Variants in ZNF133 observed in about 807,000 individuals in gnomAD.
ZNF133 encodes the protein zinc finger protein 133.
In ZNF133, 26 loss-of-function variants were observed where a neutral mutation model predicts 54.9. The ratio of observed to expected loss-of-function variants is 0.47; its 90% confidence interval spans 0.35 to 0.66. ZNF133 has a LOEUF of 0.66. Ranked by LOEUF, ZNF133 falls within the 30% of genes least tolerant of loss-of-function variation. The pLI is 0.01. For synonymous variants in ZNF133, 298 were observed against 320.3 expected, an observed-to-expected ratio of 0.93 and a Z score of 0.74; for missense variants, 653 against 820.8, an observed-to-expected ratio of 0.80 and a Z score of 2.50.
intron 6 of ZNF133, among the ~76,000 whole-genome samples, chr20:18,310,558 A>G (rs1456826251): frequency 6.6e-6 from 1 of 152,226 alleles, no homozygotes; most frequent in African/African-American, 2.4e-5. Flanking sequence ...TCTTACTTAT[A>G]TGTGCAGTCT....
At position 18,316,764 on chromosome 20, in the gene ZNF133, C is replaced by T. The variant is rs776881991; in HGVS notation, c.1913C>T (p.Pro638Leu). ...TSVHHRLPVQ[P>L]DPEPCAGQPS... Reference sequence around the variant, plus strand: ...GTCCACCACAGACTGCCAGTGCAGCCCGACCCTGAGCCGTGTGCAGGGCAA... The same window carrying T: ...GTCCACCACAGACTGCCAGTGCAGCTCGACCCTGAGCCGTGTGCAGGGCAA... The change falls in exon 7 of 7, where the codon CCC (proline) becomes CTC (leucine). Residue 638 changes from proline to leucine, a missense_variant. Pro to Leu is a moderately conservative substitution (Grantham distance 98). Around this residue, in one of 4 missense-constraint regions of ZNF133, gnomAD observed 129 missense variants for 138.5 expected, o/e 0.93. Coordinates refer to ENST00000425686, the MANE Select transcript of ZNF133 (RefSeq NM_001352452.2). The T allele has an allele frequency of 3.1e-6, 5 of 1,614,106 alleles. No homozygotes were observed. Among genetic ancestry groups the T allele is most frequent in the Admixed American group, 1.7e-5 (1 of 60,020 alleles).
intron 1 of ZNF133, among the ~76,000 whole-genome samples, chr20:18,294,425 A>G (rs548740761): frequency 1.3e-5 from 2 of 152,360 alleles, no homozygotes; most frequent in South Asian, 2.1e-4. Context: ...CTGGACCAGA[A>G]AAAGTACATT....
intron 6 of ZNF133, among the ~76,000 whole-genome samples, chr20:18,308,535 G>T (rs996823433): frequency 2.0e-5 from 3 of 152,162 alleles, no homozygotes; most frequent in Non-Finnish European, 4.4e-5. Flanking sequence ...ACTCATTAAT[G>T]AAGTTTTTAA....
In ZNF133 at chr20:18,316,102, C is replaced by A; in HGVS notation, c.1251C>A (p.His417Gln). Residue 417 changes from histidine (H) to glutamine (Q), a missense_variant, in exon 7 of 7, where the codon CAC becomes CAA. Physicochemically the swap from His to Gln is conservative, Grantham distance 24 (BLOSUM62 0). Transcript: ENST00000425686. Reference sequence around the variant, plus strand: ...CCTATGTGTGCGGGGTGTGTGGGCACAGCTTCAGCCAGAATTCAACCCTCA... The same window carrying A: ...CCTATGTGTGCGGGGTGTGTGGGCAAAGCTTCAGCCAGAATTCAACCCTCA... ...EKPYVCGVCG[H>Q]SFSQNSTLIS... is the part of the protein sequence containing the mutation. The A allele has an allele frequency of 1.9e-6, 3 of 1,610,536 alleles. No homozygotes were observed. Among genetic ancestry groups the A allele is most frequent in the Non-Finnish European group, 2.5e-6 (3 of 1,178,470 alleles).
chr20:18,292,821 G>A (rs184566810), intron 1 of ZNF133, among the ~76,000 whole-genome samples: 224 of 152,308 alleles, frequency 1.5e-3, no homozygotes, highest in African/African-American at 4.8e-3. Flanking sequence ...CTTGCCAAAT[G>A]AAGGCATAAT....
chr20:18,299,214 ATAATG>A (rs1321557232), intron 3 of ZNF133, among the ~76,000 whole-genome samples: 2 of 152,232 alleles, frequency 1.3e-5, no homozygotes, highest in Non-Finnish European at 2.9e-5. Flanking sequence ...AGTCAAGAAA[ATAATG>A]TAAGAACAAC....
intron 5 of ZNF133, 102 bp from the exon 6 acceptor site, chr20:18,306,196 C>CT (rs1334973121): frequency 3.2e-5 from 36 of 1,124,326 alleles, no homozygotes; most frequent in Non-Finnish European, 4.3e-5. Flanking sequence ...CAACTCAGGG[C>CT]TTTGTACTAC....
chr20:18,316,753 G>A lies in ZNF133; in HGVS notation c.1902G>A (p.Leu634=). The part of the protein sequence containing the change: ...HRKTTSVHHR[L]PVQPDPEPCA... ...AGACCACGTCTGTCCACCACAGACT[G>A]CCAGTGCAGCCCGACCCTGAGCCGT... The change falls in exon 7 of 7, where the codon CTG becomes CTA. Residue 634 remains leucine, a synonymous_variant. Coordinates refer to ENST00000425686, the MANE Select transcript of ZNF133 (RefSeq NM_001352452.2). The A allele has an allele frequency of 5.6e-6, 9 of 1,614,190 alleles. No individual in the cohort carries two copies. The highest frequency in any genetic ancestry group is 7.6e-6 in the Non-Finnish European group (9 of 1,180,026).
Position 18,315,285 on chromosome 20 carries a change from G to A in ZNF133, c.434G>A (p.Gly145Asp). 1 of 1,614,112 alleles carries A rather than the reference G, an allele frequency of 6.2e-7. No individual in the cohort carries two copies. The highest frequency in any genetic ancestry group is 1.7e-5 in the Admixed American group (1 of 60,020). The change falls in exon 7 of 7, where the codon GGT (glycine) becomes GAT (aspartate). Residue 145 changes from glycine to aspartate, a missense_variant. By Grantham distance (94) the Gly-to-Asp change is moderately conservative. Coordinates refer to ENST00000425686, the MANE Select transcript of ZNF133 (RefSeq NM_001352452.2). ...EGRPWSDQAEGPEGEGAMPLF... is the reference protein window; with the variant it reads ...EGRPWSDQAEDPEGEGAMPLF... Reference sequence around the variant, plus strand: ...AGACCCTGGAGTGATCAAGCAGAAGGTCCTGAGGGAGAAGGTGCCATGCCT... The same window carrying A: ...AGACCCTGGAGTGATCAAGCAGAAGATCCTGAGGGAGAAGGTGCCATGCCT...
chr20:18,303,714 G>A (rs548436606), intron 3 of ZNF133, among the ~76,000 whole-genome samples: 1 of 152,238 alleles, frequency 6.6e-6, no homozygotes, highest in South Asian at 2.1e-4. Context: ...CTCAACAAAC[G>A]CTATTGGGCA....
intron 6 of ZNF133, chr20:18,314,416 G>C (rs893545628): frequency 6.6e-6 from 1 of 152,224 alleles, no homozygotes; most frequent in African/African-American, 2.4e-5. Context: ...GGGGGTACCA[G>C]GAGGGAGCAT....
chr20:18,312,236 T>A (rs569600047), intron 6 of ZNF133, among the ~76,000 whole-genome samples: 1 of 152,194 alleles, frequency 6.6e-6, no homozygotes, highest in Non-Finnish European at 1.5e-5. Flanking sequence ...GCTGTGGAAT[T>A]TTCTACTTGT....
At chr20:18,302,458 GA>G (rs1391562320) in intron 3 of ZNF133, among the ~76,000 whole-genome samples, 3 of 146,764 alleles carry the variant, frequency 2.0e-5, no homozygotes, top group East Asian at 2.0e-4. Context: ...ACAGATGAAA[GA>G]AAAAAAACAC....
At chr20:18,306,604 C>T (rs1600493598) in intron 6 of ZNF133, 4 of 922,430 alleles carry the variant, frequency 4.3e-6, no homozygotes, top group Non-Finnish European at 6.3e-6. Context: ...CCTTCCTCCA[C>T]TAGGAAGCCT....
chr20:18,291,287 T>G (rs1246265928), intron 1 of ZNF133, among the ~76,000 whole-genome samples: 1 of 152,192 alleles, frequency 6.6e-6, no homozygotes, highest in African/African-American at 2.4e-5. Context: ...TTTCGAATAT[T>G]TTAGTAAGGC....
At chr20:18,297,852 T>C in intron 1 of ZNF133, 133 bp from the exon 2 acceptor site, 1 of 593,864 alleles carries the variant, frequency 1.7e-6, no homozygotes, top group South Asian at 2.2e-5. Context: ...CCAAGCAGTA[T>C]CTTTTCCTTG....
In ZNF133 at chr20:18,316,042, T is replaced by C. The variant is rs763656510; in HGVS notation, c.1191T>C (p.Leu397=). 6.8e-6 allele frequency: 11 copies of C among 1,609,580 alleles called. No homozygotes were observed. The East Asian group carries it at 2.5e-4, about 36-fold the overall frequency. ...CGRCFRQRTT[L]VNHQRTHSKE... ...GATGCTTCAGGCAGAGGACCACCCT[T>C]GTCAACCACCAGAGGACACACTCAA... The change falls in exon 7 of 7, where the codon CTT becomes CTC. Residue 397 remains leucine (L), a synonymous_variant. Transcript: ENST00000425686.
At chr20:18,299,113 G>C (rs2042840291) in intron 3 of ZNF133, among the ~76,000 whole-genome samples, 2 of 152,032 alleles carry the variant, frequency 1.3e-5, no homozygotes, top group South Asian at 4.1e-4. Flanking sequence ...TGAATAAACT[G>C]AAAACATCCC....
chr20:18,300,125 TA>T (rs893586324), intron 3 of ZNF133, among the ~76,000 whole-genome samples: 6 of 151,390 alleles, frequency 4.0e-5, no homozygotes, highest in Non-Finnish European at 7.4e-5. Context: ...CTACTGCATT[TA>T]AAAAAAAATA....
Sources: gnomAD v4.1 joint callset for allele counts (sites outside exome capture counted in the v4.1 genomes callset) on GRCh38, gnomAD v4.1.1 for gene constraint, gnomAD v4.1.1 regional missense constraint, MANE v1.5 for transcripts, NCBI Gene and HGNC (gene_info 2026-07-23, HGNC 2026-07-21) for gene names.